The following NUDT3 variants were observed in gnomAD, a reference collection of about 807,000 sequenced individuals.
NUDT3 encodes diphosphoinositol polyphosphate phosphohydrolase 1.
Under a neutral mutation model 23.6 loss-of-function variants are expected in NUDT3, and 9 were observed. That is an observed-to-expected ratio of 0.38 (90% CI 0.23 to 0.66). NUDT3 has a LOEUF of 0.66. Ranked by LOEUF, NUDT3 falls within the 30% of genes least tolerant of loss-of-function variation. NUDT3 has a pLI of 0.52. For synonymous variants in NUDT3, 86 were observed against 82.6 expected (o/e 1.04, Z -0.22); for missense variants, 172 against 218.5 (o/e 0.79, Z 1.34).
intron 1 of NUDT3, among the ~76,000 whole-genome samples, chr6:34,359,537 T>C (rs566170768): frequency 2.3e-4 from 35 of 152,378 alleles, no homozygotes; most frequent in Admixed American, 1.2e-3. Flanking sequence ...ATGTGACCTT[T>C]AGCGTCTGTC....
At chr6:34,298,363 A>C (rs1305131736) in intron 2 of NUDT3, among the ~76,000 whole-genome samples, 1 of 152,232 alleles carries the variant, frequency 6.6e-6, no homozygotes, top group Non-Finnish European at 1.5e-5. Flanking sequence ...TTGTCTCAAA[A>C]AAACAAAACA....
intron 1 of NUDT3, among the ~76,000 whole-genome samples, chr6:34,370,897 A>T (rs1248791126): frequency 6.6e-6 from 1 of 151,950 alleles, no homozygotes; most frequent in African/African-American, 2.4e-5. Flanking sequence ...TGAGGTCAGG[A>T]GTTCAAGACC....
intron 1 of NUDT3, among the ~76,000 whole-genome samples, chr6:34,385,350 G>A (rs1015782488): frequency 6.6e-6 from 1 of 152,128 alleles, no homozygotes. Flanking sequence ...CACTTTGGGA[G>A]GCCGAGGCGG....
intron 2 of NUDT3, among the ~76,000 whole-genome samples, chr6:34,299,150 G>A (rs1020852325): frequency 2.6e-5 from 4 of 152,198 alleles, no homozygotes; most frequent in African/African-American, 7.2e-5. Context: ...CATGCAGGTC[G>A]GGATATGTGT....
At position 34,351,198 on chromosome 6, in the gene NUDT3, T is replaced by TAAAAAAAAAAAAAAAAAA. The variant is rs71000051; in HGVS notation, c.100-9244_100-9227dup. Among the ~76,000 whole-genome samples the TAAAAAAAAAAAAAAAAAA allele has an allele frequency of 9.5e-4, 17 of 17,880 alleles. 3 individuals carry two copies. Among genetic ancestry groups the TAAAAAAAAAAAAAAAAAA allele is most frequent in the East Asian group, 1.8e-3 (1 of 552 alleles). 11.7% of individuals were successfully genotyped at this position (17,880 alleles called of 152,430 possible). Reference sequence around the variant, plus strand: ...GACCTCGTCTCTACACTCCCCTGCCTAAAAAAAAAAAAAAAAAAAAAAAAA... The same window carrying TAAAAAAAAAAAAAAAAAA: ...GACCTCGTCTCTACACTCCCCTGCCTAAAAAAAAAAAAAAAAAAAAAAAAAAAAAAAAAAAAAAAAAAA... On this transcript the variant is annotated intron_variant, in intron 1 of 4. Coordinates refer to ENST00000607016, the MANE Select transcript of NUDT3 (RefSeq NM_006703.4).
chr6:34,366,466 G>T (rs1764733002), intron 1 of NUDT3, among the ~76,000 whole-genome samples: 1 of 120,930 alleles, frequency 8.3e-6, no homozygotes, highest in Admixed American at 8.8e-5. Flanking sequence ...GAGAAAGAGA[G>T]AGAGGGAAGG....
At chr6:34,376,865 G>C (rs934799120) in intron 1 of NUDT3, among the ~76,000 whole-genome samples, 1 of 151,850 alleles carries the variant, frequency 6.6e-6, no homozygotes, top group African/African-American at 2.4e-5. Context: ...CTCCCAGCCA[G>C]CTGACACCCC....
At chr6:34,388,764 T>C (rs576825670) in intron 1 of NUDT3, among the ~76,000 whole-genome samples, 3 of 152,346 alleles carry the variant, frequency 2.0e-5, no homozygotes, top group Middle Eastern at 3.4e-3. Context: ...ATGCTTTTTG[T>C]TGTTTCTCAT....
chr6:34,336,018 C>T (rs140604416), intron 2 of NUDT3, among the ~76,000 whole-genome samples: 2,388 of 152,010 alleles, frequency 0.016, 54 homozygotes, highest in African/African-American at 0.052. Flanking sequence ...GCTGTAATCC[C>T]AGCATTTTGG....
rs1765225648 is a variant in NUDT3 at position 34,392,536 on chromosome 6, G to A, written c.-174C>T. 1 of 438,876 alleles carries A rather than the reference G, an allele frequency of 2.3e-6. No homozygotes were observed. Among genetic ancestry groups the A allele is most frequent in the South Asian group, 3.8e-5 (1 of 26,022 alleles). The allele number at this position is 438,876 out of a possible 1,614,324, so 27.2% of individuals were successfully genotyped here. On this transcript the variant is annotated 5_prime_UTR_variant, in exon 1 of 5. Coordinates refer to ENST00000607016, the MANE Select transcript of NUDT3 (RefSeq NM_006703.4). ...CCGCCGCGGCCGCCTCATTCCCCCAGGCCCAGGTCCCGCGCCGCCGCTGCC... is the reference window on the plus strand; with the variant it reads ...CCGCCGCGGCCGCCTCATTCCCCCAAGCCCAGGTCCCGCGCCGCCGCTGCC...
At chr6:34,294,716 A>T (rs1280560722) in intron 3 of NUDT3, among the ~76,000 whole-genome samples, 2 of 149,662 alleles carry the variant, frequency 1.3e-5, no homozygotes, top group Non-Finnish European at 3.0e-5. Flanking sequence ...ACAGAGCAAG[A>T]CTCTGTCTCA....
At chr6:34,311,430 G>A (rs1456837426) in intron 2 of NUDT3, among the ~76,000 whole-genome samples, 1 of 152,004 alleles carries the variant, frequency 6.6e-6, no homozygotes, top group Non-Finnish European at 1.5e-5. Context: ...AGATATCAAA[G>A]AAAAACTAAA....
intron 1 of NUDT3, among the ~76,000 whole-genome samples, chr6:34,346,602 T>C (rs1249862277): frequency 1.3e-5 from 2 of 152,220 alleles, no homozygotes; most frequent in Non-Finnish European, 2.9e-5. Flanking sequence ...GCCATGACTA[T>C]ATGAACTAGG....
chr6:34,297,748 TA>T (rs1561899049), intron 2 of NUDT3, among the ~76,000 whole-genome samples: 4 of 103,670 alleles, frequency 3.9e-5, no homozygotes, highest in Non-Finnish European at 5.4e-5. Context: ...TATATATATA[TA>T]TATATATATA....
At chr6:34,352,172 C>A (rs574102152) in intron 1 of NUDT3, among the ~76,000 whole-genome samples, 1 of 152,054 alleles carries the variant, frequency 6.6e-6, no homozygotes, top group African/African-American at 2.4e-5. Flanking sequence ...TTTATTATAT[C>A]ATTATTTTTT....
At chr6:34,337,436 G>A (rs1160122056) in intron 2 of NUDT3, among the ~76,000 whole-genome samples, 1 of 152,198 alleles carries the variant, frequency 6.6e-6, no homozygotes, top group Non-Finnish European at 1.5e-5. Context: ...CATGAGGAGT[G>A]TAGTTTAATT....
chr6:34,375,439 C>T (rs1485499981), intron 1 of NUDT3, among the ~76,000 whole-genome samples: 2 of 152,210 alleles, frequency 1.3e-5, no homozygotes, highest in African/African-American at 2.4e-5. Flanking sequence ...CTACATGCTG[C>T]TTTATACACA....
At chr6:34,383,073 G>A (rs1765049274) in intron 1 of NUDT3, among the ~76,000 whole-genome samples, 1 of 148,442 alleles carries the variant, frequency 6.7e-6, no homozygotes, top group Admixed American at 6.8e-5. Flanking sequence ...GTTGCAGTGA[G>A]CCAAGATGGC....
At chr6:34,327,608 CA>C (rs1405948674) in intron 2 of NUDT3, among the ~76,000 whole-genome samples, 1 of 151,682 alleles carries the variant, frequency 6.6e-6, no homozygotes, top group Non-Finnish European at 1.5e-5. Context: ...CTAAGAACTT[CA>C]AAAAGGAACC....
Sources: gnomAD v4.1 joint callset for allele counts (sites outside exome capture counted in the v4.1 genomes callset) on GRCh38, gnomAD v4.1.1 for gene constraint, MANE v1.5 for transcripts, NCBI Gene and HGNC (gene_info 2026-07-23, HGNC 2026-07-21) for gene names.